SPEF2: variants seen among roughly 807,000 people sequenced by gnomAD.
SPEF2 encodes sperm flagella and cilia-associated protein 2.
In SPEF2, 187 loss-of-function variants were observed where a neutral mutation model predicts 224.6. The observed-to-expected ratio is 0.83, with a 90% CI of 0.74 to 0.94. SPEF2 has a LOEUF of 0.94. Among genes scored for constraint, SPEF2 ranks in the 40% least tolerant of loss-of-function variants. The pLI is 0.00. For synonymous variants in SPEF2, 715 were observed against 707.3 expected (o/e 1.01, Z -0.17); for missense variants, 2,170 against 2,135.6 (o/e 1.02, Z -0.32).
chr5:35,751,758 C>T (rs891454606), intron 23 of SPEF2, among the ~76,000 whole-genome samples: 3 of 152,102 alleles, frequency 2.0e-5, no homozygotes, highest in Non-Finnish European at 4.4e-5. Context: ...TCACTGTAGG[C>T]ATTAAACTGC....
In SPEF2 at chr5:35,705,669, C is replaced by G. The variant is rs370289596; in HGVS notation, c.2526C>G (p.Asp842Glu). 5.0e-6 allele frequency: 8 copies of G among 1,584,422 alleles called. No individual in the cohort carries two copies. Among genetic ancestry groups the G allele is most frequent in the Non-Finnish European group, 6.8e-6 (8 of 1,171,356 alleles). The stretch of plus-strand genomic sequence containing the variant: ...TTTGCAGAATTATAGGCTTCTTGGA[C>G]AACTGGCCTTTATTGGAGCAATGGT... ...QIQHRIIGFL[D>E]NWPLLEQWFS... The change falls in exon 18 of 37, where the codon GAC becomes GAG. Residue 842 changes from aspartate to glutamate, a missense_variant. Asp to Glu is a conservative substitution (Grantham distance 45). Coordinates refer to ENST00000356031, the MANE Select transcript of SPEF2 (RefSeq NM_024867.4).
intron 16 of SPEF2, 85 bp from the exon 17 acceptor site, chr5:35,704,469 T>C (rs960022094): frequency 1.3e-6 from 1 of 777,718 alleles, no homozygotes; most frequent in African/African-American, 1.8e-5. Flanking sequence ...CCGTATCTGT[T>C]TGGCATCTTT....
intron 5 of SPEF2, 81 bp downstream of exon 5, chr5:35,646,888 T>C (rs1052740158): frequency 1.2e-5 from 18 of 1,464,126 alleles, no homozygotes; most frequent in East Asian, 2.3e-5. Context: ...AGAGAGACTT[T>C]CCAAAACTTC....
intron 18 of SPEF2, among the ~76,000 whole-genome samples, chr5:35,707,188 A>G (rs1162078368): frequency 2.0e-5 from 3 of 152,224 alleles, no homozygotes; most frequent in Non-Finnish European, 2.9e-5. Flanking sequence ...TGGTACTTCT[A>G]TATTCTGACC....
intron 20 of SPEF2, among the ~76,000 whole-genome samples, chr5:35,717,650 C>A (rs1742833849): frequency 6.6e-6 from 1 of 151,984 alleles, no homozygotes; most frequent in Non-Finnish European, 1.5e-5. Flanking sequence ...AGGCCAGAGT[C>A]CCTCTACTAG....
intron 11 of SPEF2, 69 bp from the exon 12 acceptor site, chr5:35,692,501 G>A (rs1048651028): frequency 3.2e-6 from 4 of 1,249,120 alleles, no homozygotes; most frequent in Admixed American, 2.0e-5. Context: ...GACAAAACCA[G>A]CACATAAAGA....
intron 20 of SPEF2, among the ~76,000 whole-genome samples, chr5:35,722,894 G>A (rs1019208073): frequency 6.6e-6 from 1 of 151,952 alleles, no homozygotes; most frequent in African/African-American, 2.4e-5. Context: ...CCCATGTTGG[G>A]TGCCAAAAAT....
intron 2 of SPEF2, among the ~76,000 whole-genome samples, chr5:35,629,110 A>C (rs937879887): frequency 3.2e-5 from 4 of 126,590 alleles, no homozygotes; most frequent in African/African-American, 1.2e-4. Context: ...AATGGGACTT[A>C]TTTACACCAG....
At chr5:35,801,342 C>T (rs1166989692) in intron 34 of SPEF2, among the ~76,000 whole-genome samples, 3 of 152,074 alleles carry the variant, frequency 2.0e-5, no homozygotes. Context: ...ATGGTGAAAC[C>T]CCATCTCTAC....
At chr5:35,731,019 C>T (rs1745555320) in intron 21 of SPEF2, among the ~76,000 whole-genome samples, 2 of 152,076 alleles carry the variant, frequency 1.3e-5, no homozygotes, top group South Asian at 4.2e-4. Context: ...TCTAGCCCAT[C>T]GTAGGCACTT....
intron 30 of SPEF2, chr5:35,789,515 C>T (rs1755660877): frequency 3.1e-6 from 2 of 651,210 alleles, no homozygotes; most frequent in African/African-American, 1.8e-5. Context: ...CAAAAGAACG[C>T]ATGGTGGATT....
intron 23 of SPEF2, among the ~76,000 whole-genome samples, chr5:35,743,085 A>G (rs1296629789): frequency 6.6e-6 from 1 of 151,430 alleles, no homozygotes; most frequent in East Asian, 1.9e-4. Flanking sequence ...ACTTACATAT[A>G]ATATATACAT....
chr5:35,675,529 C>CTT (rs10709245), intron 10 of SPEF2: 94 of 135,228 alleles, frequency 7.0e-4, no homozygotes, highest in Middle Eastern at 3.9e-3. Flanking sequence ...GTTAGGATTC[C>CTT]TTTTTTTTTT....
At position 35,720,869 on chromosome 5, in the gene SPEF2, A is replaced by T. The variant is rs146955461; in HGVS notation, c.2915-6806A>T. Among the ~76,000 whole-genome samples, 107 of 152,314 alleles carry T rather than the reference A, an allele frequency of 7.0e-4. 1 individual carries two copies. In the East Asian group the frequency reaches 0.018, roughly 25 times the overall value. On this transcript the variant is annotated intron_variant, in intron 20 of 36. Coordinates refer to ENST00000356031, the MANE Select transcript of SPEF2 (RefSeq NM_024867.4). ...TTCAAAAAGCCAGGTGCCAGTGAAG[A>T]TAATTTTGATACTGAAGTTTGATTT...
Position 35,618,054 on chromosome 5 carries a change from G to T in SPEF2, c.57G>T (p.Val19=). The T allele has an allele frequency of 6.3e-7, 1 of 1,583,038 alleles. No individual in the cohort carries two copies. The highest frequency in any genetic ancestry group is 1.1e-5 in the South Asian group (1 of 87,250). Residue 19 remains valine (V), a splice_region_variant and synonymous_variant, in exon 1 of 37, where the codon GTG becomes GTT. Coordinates refer to ENST00000356031, the MANE Select transcript of SPEF2 (RefSeq NM_024867.4). ...AGGAGTTGAAGGTGTCCCGGACCGT[G>T]AGTGAGTGACCACGGCCAGGGGCGA... The part of the protein sequence containing the change: ...LNKELKVSRT[V]SPKSFAKAFS...
At chr5:35,699,052 C>T (rs746344150) in intron 15 of SPEF2, 1 of 152,138 alleles carries the variant, frequency 6.6e-6, no homozygotes, top group Non-Finnish European at 1.5e-5. Flanking sequence ...GAAATATAGA[C>T]AGTGACCTGA....
chr5:35,634,065 A>G (rs1043196850), intron 2 of SPEF2, among the ~76,000 whole-genome samples: 3 of 152,038 alleles, frequency 2.0e-5, no homozygotes, highest in African/African-American at 7.2e-5. Context: ...ACAAAAATAT[A>G]TTTAAACTAT....
At position 35,769,989 on chromosome 5, in the gene SPEF2, ATGTGTG is replaced by A. The variant is rs10627412; in HGVS notation, c.3802-1591_3802-1586del. Among the ~76,000 whole-genome samples, 957 of 142,300 alleles carry A rather than the reference ATGTGTG, an allele frequency of 6.7e-3. 5 individuals are homozygous for A. The highest frequency in any genetic ancestry group is 0.018 in the Middle Eastern group (5 of 280). 93.4% of individuals were successfully genotyped at this position (142,300 alleles called of 152,430 possible). On this transcript the variant is annotated intron_variant, in intron 26 of 36. Coordinates refer to ENST00000356031, the MANE Select transcript of SPEF2 (RefSeq NM_024867.4). ...ACCCTGTGTTGCTACTGCCTCCATA[ATGTGTG>A]TGTGTGTGTGTGTGTGTGTGTGTGT...
At chr5:35,695,624 C>T (rs1755197297) in intron 13 of SPEF2, 111 bp from the exon 14 acceptor site, 1 of 708,238 alleles carries the variant, frequency 1.4e-6, no homozygotes, top group South Asian at 2.1e-5. Context: ...GCATCTCAGG[C>T]ATAGCTGGAT....
Sources: allele counts gnomAD v4.1 joint callset (sites outside exome capture counted in the v4.1 genomes callset), GRCh38; gene constraint gnomAD v4.1.1; transcripts MANE v1.5; gene names NCBI Gene and HGNC (gene_info 2026-07-23, HGNC 2026-07-21).